DLGAP4: variants seen among roughly 807,000 people sequenced by gnomAD.
The protein encoded by DLGAP4 is DLG associated protein 4.
DLGAP4 carries 18 observed loss-of-function variants against 86.9 expected under a neutral mutation model. The ratio of observed to expected loss-of-function variants is 0.21; its 90% CI spans 0.14 to 0.31. The LOEUF (loss-of-function observed/expected upper bound fraction) is 0.31. DLGAP4 is among the 10% of genes least tolerant of loss of function. The probability of loss-of-function intolerance (pLI) is 1.00; values close to 1 mark genes in which losing one functional copy is unlikely to be tolerated. For synonymous variants in DLGAP4, 548 were observed against 574.3 expected (o/e 0.95, Z 0.65); for missense variants, 1,085 against 1,362.6 (o/e 0.80, Z 3.21).
intron 2 of DLGAP4, among the ~76,000 whole-genome samples, chr20:36,416,764 C>T (rs1367883416): frequency 1.3e-5 from 2 of 152,134 alleles, no homozygotes; most frequent in African/African-American, 4.8e-5. Flanking sequence ...GGAATGTTCT[C>T]AGGAACAGAA....
chr20:36,512,952 T>TTTTTTTTTG (rs2036801555), intron 10 of DLGAP4, among the ~76,000 whole-genome samples: 1 of 118,478 alleles, frequency 8.4e-6, no homozygotes, highest in Non-Finnish European at 1.8e-5. Context: ...TTTTTTTTTT[T>TTTTTTTTTG]TTTTTTTTTT....
chr20:36,397,002 C>T (rs1453883222), intron 2 of DLGAP4, among the ~76,000 whole-genome samples: 1 of 152,142 alleles, frequency 6.6e-6, no homozygotes, highest in Non-Finnish European at 1.5e-5. Flanking sequence ...ATCTTTATTC[C>T]CATATTCCAG....
At chr20:36,519,888 T>C (rs1030829927) in intron 10 of DLGAP4, among the ~76,000 whole-genome samples, 2 of 152,052 alleles carry the variant, frequency 1.3e-5, no homozygotes, top group African/African-American at 4.8e-5. Context: ...CCTTCTGGGC[T>C]CAAGCAATCC....
At chr20:36,441,013 G>A (rs2033431570) in intron 5 of DLGAP4, among the ~76,000 whole-genome samples, 1 of 151,980 alleles carries the variant, frequency 6.6e-6, no homozygotes. Flanking sequence ...GCAGCCCAGG[G>A]AGCCCCCTGC....
intron 1 of DLGAP4, among the ~76,000 whole-genome samples, chr20:36,359,365 C>T (rs1277437976): frequency 1.3e-5 from 2 of 152,230 alleles, no homozygotes; most frequent in Non-Finnish European, 2.9e-5. Context: ...GGCTCACGGC[C>T]ACCCTATGGG....
intron 1 of DLGAP4, among the ~76,000 whole-genome samples, chr20:36,309,452 G>A (rs1375452634): frequency 6.6e-6 from 1 of 152,218 alleles, no homozygotes; most frequent in Non-Finnish European, 1.5e-5. Context: ...GGAATGGGGG[G>A]AGACTTGGCC....
At chr20:36,313,843 G>C in intron 1 of DLGAP4, among the ~76,000 whole-genome samples, 1 of 152,178 alleles carries the variant, frequency 6.6e-6, no homozygotes, top group Non-Finnish European at 1.5e-5. Flanking sequence ...CAAGAGGCCA[G>C]CTGGGCAACT....
At chr20:36,352,117 C>A (rs1367310577) in intron 1 of DLGAP4, among the ~76,000 whole-genome samples, 1 of 152,002 alleles carries the variant, frequency 6.6e-6, no homozygotes, top group South Asian at 2.1e-4. Context: ...GTCCTGGCAG[C>A]GGAAACAGCA....
chr20:36,481,563 A>G (rs529975007), intron 7 of DLGAP4, among the ~76,000 whole-genome samples: 8 of 152,194 alleles, frequency 5.3e-5, no homozygotes, highest in African/African-American at 1.9e-4. Context: ...TGGCTGCCAC[A>G]GTGCCCAGTC....
At chr20:36,510,517 G>A (rs1385973383) in intron 10 of DLGAP4, among the ~76,000 whole-genome samples, 1 of 151,580 alleles carries the variant, frequency 6.6e-6, no homozygotes, top group Non-Finnish European at 1.5e-5. Flanking sequence ...CACCTGCCTC[G>A]GCCTCCCAAA....
intron 1 of DLGAP4, among the ~76,000 whole-genome samples, chr20:36,366,412 G>A (rs1204685448): frequency 6.6e-6 from 1 of 152,192 alleles, no homozygotes; most frequent in Non-Finnish European, 1.5e-5. Flanking sequence ...CCTGTTCAGG[G>A]GAAGTGGGTG....
At chr20:36,349,273 C>T (rs1047044939) in intron 1 of DLGAP4, among the ~76,000 whole-genome samples, 3 of 151,602 alleles carry the variant, frequency 2.0e-5, no homozygotes, top group Admixed American at 2.0e-4. Flanking sequence ...AAAAAAATAG[C>T]CAGGCGTGGT....
intron 2 of DLGAP4, among the ~76,000 whole-genome samples, chr20:36,372,290 T>C (rs1409534115): frequency 6.6e-6 from 1 of 152,108 alleles, no homozygotes; most frequent in Non-Finnish European, 1.5e-5. Context: ...CTCCCCAGGC[T>C]TACCTCTCCC....
chr20:36,499,173 T>G, intron 8 of DLGAP4: 1 of 1,044,406 alleles, frequency 9.6e-7, no homozygotes, highest in Non-Finnish European at 1.3e-6. Flanking sequence ...GCTGTGGCTT[T>G]GTGTGTGTGT....
intron 2 of DLGAP4, among the ~76,000 whole-genome samples, chr20:36,423,656 A>G (rs1036818392): frequency 6.6e-6 from 1 of 151,718 alleles, no homozygotes; most frequent in African/African-American, 2.4e-5. Flanking sequence ...TCTATATGAC[A>G]TCACAGTTCA....
At chr20:36,430,078 G>A (rs2033087296) in intron 2 of DLGAP4, among the ~76,000 whole-genome samples, 1 of 152,206 alleles carries the variant, frequency 6.6e-6, no homozygotes, top group African/African-American at 2.4e-5. Flanking sequence ...CAACCTCTCT[G>A]CTCCATGGCA....
rs540616409 is a variant in DLGAP4 at position 36,347,183 on chromosome 20, A to G, written c.-303-19862A>G. On this transcript the variant is annotated intron_variant, in intron 1 of 12. Transcript: ENST00000339266. ...CCTCAAGGAAGGCTGAGGATGGTCCATCATCAGCAACCCCAGCTCCCAGCT... is the reference window on the plus strand; with the variant it reads ...CCTCAAGGAAGGCTGAGGATGGTCCGTCATCAGCAACCCCAGCTCCCAGCT... Among the ~76,000 whole-genome samples, 200 of 152,306 alleles carry G rather than the reference A, an allele frequency of 1.3e-3. 1 individual carries two copies. The highest frequency in any genetic ancestry group is 4.7e-3 in the African/African-American group (197 of 41,566).
intron 7 of DLGAP4, among the ~76,000 whole-genome samples, chr20:36,494,287 G>A (rs1040263521): frequency 1.3e-5 from 2 of 152,134 alleles, no homozygotes; most frequent in Non-Finnish European, 2.9e-5. Flanking sequence ...GCTTAACATC[G>A]TGGCATGTGT....
chr20:36,355,394 C>A (rs889890590), intron 1 of DLGAP4, among the ~76,000 whole-genome samples: 19 of 151,906 alleles, frequency 1.3e-4, no homozygotes, highest in Non-Finnish European at 1.3e-4. Flanking sequence ...ACCTCCCAGG[C>A]TCAACGATCC....
Sources: allele counts gnomAD v4.1 joint callset (sites outside exome capture counted in the v4.1 genomes callset), GRCh38; gene constraint gnomAD v4.1.1; transcripts MANE v1.5; gene names NCBI Gene and HGNC (gene_info 2026-07-23, HGNC 2026-07-21).